The following PLXDC2 variants were observed in gnomAD, a reference collection of about 807,000 sequenced individuals.
The protein encoded by PLXDC2 is plexin domain containing 2.
PLXDC2 carries 40 observed loss-of-function variants against 68.9 expected under a neutral mutation model. The observed-to-expected ratio is 0.58, with a 90% CI of 0.45 to 0.76. PLXDC2 has a LOEUF of 0.76. PLXDC2 is among the 30% of genes least tolerant of loss of function. The pLI is 0.00. For synonymous variants in PLXDC2, 243 were observed against 234.2 expected (o/e 1.04, Z -0.34); for missense variants, 644 against 661.9 (o/e 0.97, Z 0.30).
At chr10:20,072,474 GAAGGAAC>G (rs1269021490) in intron 4 of PLXDC2, among the ~76,000 whole-genome samples, 2 of 79,088 alleles carry the variant, frequency 2.5e-5, no homozygotes, top group East Asian at 3.3e-4. Flanking sequence ...AAGAAAGAAA[GAAGGAAC>G]AAAGAAAGAA....
Position 20,279,998 on chromosome 10 carries a change from T to C in PLXDC2, c.*179T>C. The C allele has an allele frequency of 1.7e-6, 1 of 577,386 alleles. No homozygotes were observed. The highest frequency in any genetic ancestry group is 2.8e-5 in the East Asian group (1 of 35,854). The allele number at this position is 577,386 out of a possible 1,614,324, so 35.8% of individuals were successfully genotyped here. On this transcript the variant is annotated 3_prime_UTR_variant, in exon 14 of 14. Coordinates refer to ENST00000377252, the MANE Select transcript of PLXDC2 (RefSeq NM_032812.9). ...AGGAAACAAAGGGTAAACAAAAAAC[T>C]AAAACTTATACAAGATACCATTTAC...
chr10:20,162,191 A>G (rs955694529), intron 6 of PLXDC2, among the ~76,000 whole-genome samples: 3 of 152,052 alleles, frequency 2.0e-5, no homozygotes, highest in African/African-American at 7.2e-5. Context: ...GAAGGAAAGA[A>G]AGAAAAGGTG....
At chr10:19,897,644 T>A (rs1044698013) in intron 1 of PLXDC2, among the ~76,000 whole-genome samples, 5 of 152,174 alleles carry the variant, frequency 3.3e-5, no homozygotes, top group African/African-American at 1.2e-4. Context: ...TAAGCTTTTT[T>A]AAGACTATAT....
chr10:19,925,984 A>G (rs576637592), intron 1 of PLXDC2, among the ~76,000 whole-genome samples: 8 of 152,350 alleles, frequency 5.3e-5, no homozygotes, highest in Middle Eastern at 3.4e-3. Context: ...ATGAACGCTC[A>G]ATGTATCCAC....
At chr10:20,157,291 A>G (rs1305836863) in intron 6 of PLXDC2, among the ~76,000 whole-genome samples, 1 of 152,230 alleles carries the variant, frequency 6.6e-6, no homozygotes, top group Non-Finnish European at 1.5e-5. Flanking sequence ...TTAGCAGGGA[A>G]ACAAAAATGA....
intron 1 of PLXDC2, among the ~76,000 whole-genome samples, chr10:19,841,250 C>A (rs1248789039): frequency 6.6e-6 from 1 of 152,120 alleles, no homozygotes; most frequent in Non-Finnish European, 1.5e-5. Context: ...GAAATGTGCA[C>A]ATTATGATTA....
At chr10:20,011,623 C>T (rs1835116788) in intron 2 of PLXDC2, among the ~76,000 whole-genome samples, 1 of 152,158 alleles carries the variant, frequency 6.6e-6, no homozygotes, top group South Asian at 2.1e-4. Flanking sequence ...AATCCCATTC[C>T]ATATCAATCG....
intron 1 of PLXDC2, among the ~76,000 whole-genome samples, chr10:19,912,656 A>G (rs1833295194): frequency 6.6e-6 from 1 of 152,156 alleles, no homozygotes. Flanking sequence ...ACTTACTTTA[A>G]AAACGGTAAT....
chr10:19,972,331 A>G (rs1424856932), intron 1 of PLXDC2, among the ~76,000 whole-genome samples: 3 of 152,204 alleles, frequency 2.0e-5, no homozygotes, highest in Admixed American at 6.5e-5. Flanking sequence ...TCCTAAGCAA[A>G]TTAATGCAGA....
intron 1 of PLXDC2, among the ~76,000 whole-genome samples, chr10:19,959,208 C>T (rs1834118228): frequency 6.6e-6 from 1 of 152,024 alleles, no homozygotes; most frequent in Non-Finnish European, 1.5e-5. Flanking sequence ...TCTGATAAGC[C>T]CTTTTTCTTA....
At chr10:19,874,746 G>A (rs1016821793) in intron 1 of PLXDC2, among the ~76,000 whole-genome samples, 8 of 152,182 alleles carry the variant, frequency 5.3e-5, no homozygotes, top group African/African-American at 1.4e-4. Context: ...TGTGATGTTA[G>A]TAGGTACAGT....
At chr10:20,275,785 C>T (rs1482772790) in intron 13 of PLXDC2, among the ~76,000 whole-genome samples, 1 of 151,978 alleles carries the variant, frequency 6.6e-6, no homozygotes, top group Non-Finnish European at 1.5e-5. Flanking sequence ...TGGTGGCAGG[C>T]GCCTGTAATC....
At chr10:19,986,704 C>A (rs144512131) in intron 1 of PLXDC2, among the ~76,000 whole-genome samples, 4 of 152,134 alleles carry the variant, frequency 2.6e-5, no homozygotes, top group Non-Finnish European at 5.9e-5. Context: ...AGTGAGAACA[C>A]GGTGATGTCT....
chr10:20,187,033 A>G (rs146935094), intron 9 of PLXDC2, among the ~76,000 whole-genome samples: 4,305 of 151,992 alleles, frequency 0.028, 77 homozygotes, highest in Middle Eastern at 0.071. Context: ...GTTGAGGAGC[A>G]TTCAAAAGTT....
chr10:19,867,066 T>A (rs576601312), intron 1 of PLXDC2, among the ~76,000 whole-genome samples: 1 of 111,328 alleles, frequency 9.0e-6, no homozygotes, highest in Non-Finnish European at 1.9e-5. Flanking sequence ...CTTTCCCTCT[T>A]TTTTTTTTTT....
In PLXDC2 at chr10:20,219,814, A is replaced by G. The variant is rs549606385; in HGVS notation, c.1312+712A>G. ...AGGGAAAGGGTGTCCTCTTCTTGGC[A>G]GCATCTTTATGTAAATGTGAGCACA... On this transcript the variant is annotated intron_variant, in intron 12 of 13. Transcript: ENST00000377252. 2.0e-5 allele frequency among the ~76,000 whole-genome samples: 3 copies of G among 152,276 alleles called. No homozygotes were observed. The South Asian group carries it at 6.2e-4, about 32-fold the overall frequency.
Position 20,022,780 on chromosome 10 carries a change from A to T in PLXDC2, c.324+20794A>T, listed in dbSNP as rs910171873. ...GTACATGCAAATAATCATTTACTAC[A>T]TTCATTGTTATTGTTATTGGGATGA... On this transcript the variant is annotated intron_variant, in intron 2 of 13. Transcript: ENST00000377252. Among the ~76,000 whole-genome samples the T allele has an allele frequency of 2.0e-5, 3 of 152,084 alleles. No homozygotes were observed. In the South Asian group the frequency reaches 6.2e-4, roughly 31 times the overall value.
At chr10:20,117,947 A>G (rs1000538291) in intron 4 of PLXDC2, among the ~76,000 whole-genome samples, 1 of 152,196 alleles carries the variant, frequency 6.6e-6, no homozygotes, top group Non-Finnish European at 1.5e-5. Flanking sequence ...ATTTTACTGC[A>G]GTTCAGATTT....
chr10:20,217,592 T>G lies in PLXDC2; in HGVS notation c.1273+16T>G. On this transcript the variant is annotated intron_variant, in intron 11 of 13. Transcript: ENST00000377252. ...CCTACAGAAGGTACCCAAGAGATAG[T>G]TTGCTTTTTTTTTTTTTTTTTTTTT... 1 of 1,413,556 alleles carries G rather than the reference T, an allele frequency of 7.1e-7. No individual in the cohort carries two copies. Among genetic ancestry groups the G allele is most frequent in the Non-Finnish European group, 9.2e-7 (1 of 1,088,338 alleles). 87.6% of individuals were successfully genotyped at this position (1,413,556 alleles called of 1,614,324 possible). A position where few individuals can be genotyped will look rare whatever the true frequency, so the allele number is the denominator to read the frequency against.
Sources: gnomAD v4.1 joint callset for allele counts (sites outside exome capture counted in the v4.1 genomes callset) on GRCh38, gnomAD v4.1.1 for gene constraint, MANE v1.5 for transcripts, NCBI Gene and HGNC (gene_info 2026-07-23, HGNC 2026-07-21) for gene names.